The following DDX31 variants were observed in gnomAD, a reference collection of about 807,000 sequenced individuals.
DDX31 encodes DEAD-box helicase 31.
In DDX31, 70 loss-of-function variants were observed where a neutral mutation model predicts 91.3. That is an observed-to-expected ratio of 0.77 (90% CI 0.63 to 0.94). The LOEUF is 0.94. Among genes scored for constraint, DDX31 ranks in the 40% least tolerant of loss-of-function variants. The pLI, the probability that DDX31 is intolerant of heterozygous loss-of-function variation, is 0.00. For missense variants in DDX31, 902 were observed against 925.0 expected (o/e 0.98, Z 0.32); for synonymous variants, 362 against 350.6 (o/e 1.03, Z -0.36).
At chr9:132,630,586 A>C (rs1365885258) in intron 15 of DDX31, among the ~76,000 whole-genome samples, 183 bp from the exon 16 acceptor site, 1 of 152,198 alleles carries the variant, frequency 6.6e-6, no homozygotes, top group Admixed American at 6.5e-5. Flanking sequence ...TGGAAATAAC[A>C]AGGCTCCGAC....
At chr9:132,624,010 C>T (rs989184591) in intron 17 of DDX31, among the ~76,000 whole-genome samples, 7 of 151,384 alleles carry the variant, frequency 4.6e-5, no homozygotes, top group Non-Finnish European at 1.0e-4. Flanking sequence ...ACTAAAAATA[C>T]GAAAAAATTA....
intron 1 of DDX31, 70 bp downstream of exon 1, chr9:132,669,790 G>A (rs1835612044): frequency 3.9e-6 from 6 of 1,520,078 alleles, no homozygotes; most frequent in Non-Finnish European, 5.3e-6. Context: ...CCAAGGCACG[G>A]CTGCAGCTCG....
rs138630110 is a variant in DDX31 at position 132,637,761 on chromosome 9, G to A, written c.1440+4243C>T. The A allele has an allele frequency of 1.9e-3, 1,786 of 958,598 alleles. 7 individuals are homozygous for A. The highest frequency in any genetic ancestry group is 1.9e-3 in the Non-Finnish European group (1,548 of 805,676). The allele number at this position is 958,598 out of a possible 1,614,324, so 59.4% of individuals were successfully genotyped here. On this transcript the variant is annotated intron_variant, in intron 14 of 19. Transcript: ENST00000372159. ...CAAAAAACTGGCAACATGAGTTAGCGTAACTGAGTAAACAGCAAACAATCT... is the reference window on the plus strand; with the variant it reads ...CAAAAAACTGGCAACATGAGTTAGCATAACTGAGTAAACAGCAAACAATCT...
chr9:132,661,862 C>G (rs1489801328), intron 3 of DDX31, among the ~76,000 whole-genome samples: 1 of 152,182 alleles, frequency 6.6e-6, no homozygotes, highest in Admixed American at 6.5e-5. Context: ...GATGCCAGCA[C>G]AGTTCCCTCT....
At chr9:132,655,943 C>G (rs553757358) in intron 6 of DDX31, among the ~76,000 whole-genome samples, 118 of 152,280 alleles carry the variant, frequency 7.7e-4, no homozygotes, top group African/African-American at 2.8e-3. Flanking sequence ...TGAACGCAGG[C>G]TAGGAATGGT....
chr9:132,648,179 T>C lies in DDX31; in HGVS notation c.967+10A>G. 6.2e-7 allele frequency: 1 copy of C among 1,604,490 alleles called. No homozygotes were observed. The highest frequency in any genetic ancestry group is 8.5e-7 in the Non-Finnish European group (1 of 1,175,578). On this transcript the variant is annotated intron_variant, in intron 11 of 19. Coordinates refer to ENST00000372159, the MANE Select transcript of DDX31 (RefSeq NM_022779.9). ...AACAAAGAAGGACCCATCACTTCTT[T>C]TCAACTCACCTTCTGTGAGTGTCGC...
intron 14 of DDX31, among the ~76,000 whole-genome samples, chr9:132,636,317 T>G (rs1464310387): frequency 6.6e-6 from 1 of 152,236 alleles, no homozygotes; most frequent in Non-Finnish European, 1.5e-5. Context: ...CTACACCAAC[T>G]ACAGTTTATG....
At chr9:132,634,879 T>TA (rs1460135740) in intron 14 of DDX31, among the ~76,000 whole-genome samples, 3 of 152,156 alleles carry the variant, frequency 2.0e-5, no homozygotes, top group Non-Finnish European at 4.4e-5. Context: ...AGATGCCTCT[T>TA]ACAGTTGTTT....
intron 18 of DDX31, among the ~76,000 whole-genome samples, chr9:132,615,684 C>T (rs1170245477): frequency 1.3e-5 from 2 of 152,208 alleles, no homozygotes; most frequent in African/African-American, 4.8e-5. Flanking sequence ...CATTTGCAGG[C>T]AGAGGACTCT....
chr9:132,634,323 C>A (rs985159094), intron 14 of DDX31, among the ~76,000 whole-genome samples: 1 of 152,140 alleles, frequency 6.6e-6, no homozygotes, highest in Non-Finnish European at 1.5e-5. Context: ...ATTCTGCCAC[C>A]ACCAGTCTTT....
chr9:132,622,526 C>G (rs564756367), intron 17 of DDX31, among the ~76,000 whole-genome samples: 1 of 152,234 alleles, frequency 6.6e-6, no homozygotes, highest in South Asian at 2.1e-4. Context: ...TACAGCTTCC[C>G]TGCGTTGCGC....
At chr9:132,601,859 C>G (rs972471497) in intron 19 of DDX31, among the ~76,000 whole-genome samples, 1 of 152,214 alleles carries the variant, frequency 6.6e-6, no homozygotes, top group African/African-American at 2.4e-5. Flanking sequence ...ACTTATTTCT[C>G]TAAGTCCCAC....
At chr9:132,604,160 G>A (rs1384799171) in intron 19 of DDX31, among the ~76,000 whole-genome samples, 1 of 152,188 alleles carries the variant, frequency 6.6e-6, no homozygotes, top group Non-Finnish European at 1.5e-5. Context: ...CCCACACTGT[G>A]CAACCCATTT....
In DDX31 at chr9:132,662,681, C is replaced by T. The variant is rs199530487; in HGVS notation, c.90G>A (p.Thr30=). Residue 30 remains threonine, a synonymous_variant, in exon 2 of 20, where the codon ACG becomes ACA. Transcript: ENST00000372159. ...PAQASRQAKA[T]KRKYQASSEA... ...CACTGGACGCTTGGTATTTTCTTTT[C>T]GTAGCCTTTGCTTGCTGCGTTGTTC... 64 of 1,614,072 alleles carry T rather than the reference C, an allele frequency of 4.0e-5. No individual in the cohort carries two copies. Among genetic ancestry groups the T allele is most frequent in the South Asian group, 3.2e-4 (29 of 91,082 alleles).
intron 18 of DDX31, among the ~76,000 whole-genome samples, chr9:132,616,913 A>G (rs562139707): frequency 8.5e-5 from 13 of 152,316 alleles, no homozygotes; most frequent in African/African-American, 2.9e-4. Flanking sequence ...GGTCCTTGAC[A>G]ATATTTGCTG....
chr9:132,594,767 A>T lies in DDX31; in HGVS notation c.*99T>A. The T allele has an allele frequency of 6.5e-7, 1 of 1,529,432 alleles. No individual in the cohort carries two copies. Among genetic ancestry groups the T allele is most frequent in the Non-Finnish European group, 8.8e-7 (1 of 1,136,742 alleles). 94.7% of individuals were successfully genotyped at this position (1,529,432 alleles called of 1,614,324 possible). ...TCTTGGGGACGTGGTATTCAGGCAA[A>T]GGCGCAGTTATTTTTCACAAGCCTC... On this transcript the variant is annotated 3_prime_UTR_variant, in exon 20 of 20. Coordinates refer to ENST00000372159, the MANE Select transcript of DDX31 (RefSeq NM_022779.9).
rs1365322861 is a variant in DDX31, at chr9:132,645,957, G to A, written c.1318C>T (p.Gln440Ter). 1.9e-6 allele frequency: 3 copies of A among 1,613,876 alleles called. No individual in the cohort carries two copies. In the African/African-American group the frequency reaches 4.0e-5, roughly 22 times the overall value. The part of the protein sequence containing the change: ...LSSSGAPASG[Q>*]LPSASMRLKF... ...AATCGCATGGAGGCAGATGGCAACT[G>A]CCCTGATGCCGGCGCCCCTGAGCTG... The change falls in exon 13 of 20, where the codon CAG (glutamine) becomes TAG (stop). Residue 440 changes from glutamine to a stop codon, truncating the protein, a stop_gained. Coordinates refer to ENST00000372159, the MANE Select transcript of DDX31 (RefSeq NM_022779.9). LOFTEE classifies it high-confidence loss of function.
intron 19 of DDX31, among the ~76,000 whole-genome samples, chr9:132,610,673 G>GC (rs1370029384): frequency 6.6e-6 from 1 of 150,836 alleles, no homozygotes; most frequent in East Asian, 1.9e-4. Flanking sequence ...TCGCTATGTT[G>GC]CCCAGGCTAG....
At position 132,594,225 on chromosome 9, in the gene DDX31, A is replaced by G. The variant is rs1171517314; in HGVS notation, c.*641T>C. On this transcript the variant is annotated 3_prime_UTR_variant, in exon 20 of 20. Coordinates refer to ENST00000372159, the MANE Select transcript of DDX31 (RefSeq NM_022779.9). ...AGAGTGAGTTTTCAGTGGACATGAA[A>G]GAGGGAGCAATGCATGTAAATGCAA... 1 of 152,270 alleles carries G rather than the reference A, an allele frequency of 6.6e-6. No homozygotes were observed. 9.4% of individuals were successfully genotyped at this position (152,270 alleles called of 1,614,324 possible).
Sources: allele counts gnomAD v4.1 joint callset (sites outside exome capture counted in the v4.1 genomes callset), GRCh38; gene constraint gnomAD v4.1.1; transcripts MANE v1.5; gene names NCBI Gene and HGNC (gene_info 2026-07-23, HGNC 2026-07-21).